TRAPPC9: variants seen among roughly 807,000 people sequenced by gnomAD.
TRAPPC9 encodes trafficking protein particle complex subunit 9.
A neutral mutation model predicts 124.0 loss-of-function variants in TRAPPC9; 83 were observed. The observed-to-expected ratio is 0.67, with a 90% CI of 0.56 to 0.80. The LOEUF (loss-of-function observed/expected upper bound fraction) is 0.80, where lower values mean the gene tolerates loss of function less well. Ranked by LOEUF, TRAPPC9 falls within the 30% of genes least tolerant of loss-of-function variation. TRAPPC9 has a pLI of 0.00. For synonymous variants in TRAPPC9, 638 were observed against 617.5 expected (o/e 1.03, Z -0.49); for missense variants, 1,302 against 1,508.3 (o/e 0.86, Z 2.27).
At chr8:140,072,888 T>C (rs1386557357) in intron 17 of TRAPPC9, among the ~76,000 whole-genome samples, 3 of 152,002 alleles carry the variant, frequency 2.0e-5, no homozygotes, top group Non-Finnish European at 2.9e-5. Flanking sequence ...ACCCATAAAA[T>C]GAACAAAAGG....
At chr8:140,260,185 G>A (rs564792482) in intron 15 of TRAPPC9, among the ~76,000 whole-genome samples, 37 of 152,030 alleles carry the variant, frequency 2.4e-4, no homozygotes, top group Non-Finnish European at 3.2e-4. Context: ...CACTCGAGTC[G>A]AAGCTCACCA....
Position 140,023,965 on chromosome 8 carries a change from T to G in TRAPPC9, c.2671A>C (p.Thr891Pro), listed in dbSNP as rs562249191. 9.7e-5 allele frequency: 157 copies of G among 1,613,728 alleles called. No individual in the cohort carries two copies. In the African/African-American group the frequency reaches 1.6e-3, roughly 16 times the overall value. Residue 891 changes from threonine (T) to proline (P), a missense_variant, in exon 18 of 23, where the codon ACC becomes CCC. Around this residue, in one of 3 missense-constraint regions of TRAPPC9, gnomAD observed 640 missense variants for 679.3 expected, o/e 0.94. Transcript: ENST00000438773. Reference sequence around the variant, plus strand: ...GTTGCTGGGAGGGTGCTGACTCGGGTGAAAAATACAGACGGCTCGACTTCT... The same window carrying G: ...GTTGCTGGGAGGGTGCTGACTCGGGGGAAAAATACAGACGGCTCGACTTCT... ...HVEVEPSVFF[T>P]RVSTLPATST...
At chr8:140,336,558 C>T (rs576346498) in intron 9 of TRAPPC9, among the ~76,000 whole-genome samples, 18 of 152,196 alleles carry the variant, frequency 1.2e-4, no homozygotes, top group African/African-American at 3.4e-4. Context: ...GCCCCAGTAA[C>T]GCACACCCTC....
At chr8:140,408,261 G>A (rs890248594) in intron 5 of TRAPPC9, among the ~76,000 whole-genome samples, 1 of 152,118 alleles carries the variant, frequency 6.6e-6, no homozygotes, top group Admixed American at 6.5e-5. Context: ...GACAAAGAAA[G>A]AGCATGGATG....
intron 17 of TRAPPC9, among the ~76,000 whole-genome samples, chr8:140,213,904 C>T (rs1270073142): frequency 6.6e-6 from 1 of 152,242 alleles, no homozygotes; most frequent in Non-Finnish European, 1.5e-5. Context: ...AGAGAGCACA[C>T]CACGATAAAT....
chr8:139,839,961 C>G (rs1413465828), intron 21 of TRAPPC9, among the ~76,000 whole-genome samples: 3 of 152,342 alleles, frequency 2.0e-5, no homozygotes, highest in African/African-American at 7.2e-5. Flanking sequence ...CAAAGAAACC[C>G]TGGCTATTAA....
In TRAPPC9 at chr8:140,383,160, T is replaced by C. The variant is rs187614464; in HGVS notation, c.1135-11980A>G. On this transcript the variant is annotated intron_variant, in intron 7 of 22. Coordinates refer to ENST00000438773, the MANE Select transcript of TRAPPC9 (RefSeq NM_001160372.4). The stretch of plus-strand genomic sequence containing the variant: ...AGGACATCCACATCAAAACCCCATC[T>C]GTATATCACCATCATCAAAGACCAA... Among the ~76,000 whole-genome samples, 24 of 152,350 alleles carry C rather than the reference T, an allele frequency of 1.6e-4. No individual in the cohort carries two copies. In the East Asian group the frequency reaches 3.3e-3, roughly 21 times the overall value.
At chr8:140,407,501 C>T (rs2069535804) in intron 5 of TRAPPC9, among the ~76,000 whole-genome samples, 1 of 151,922 alleles carries the variant, frequency 6.6e-6, no homozygotes, top group Admixed American at 6.6e-5. Context: ...AGTAAATGAT[C>T]AAAGCATAAG....
At chr8:139,787,315 G>A (rs1254742149) in intron 21 of TRAPPC9, among the ~76,000 whole-genome samples, 3 of 152,090 alleles carry the variant, frequency 2.0e-5, no homozygotes, top group African/African-American at 4.8e-5. Context: ...GGGGTGGGGG[G>A]CAGATGTGGC....
At chr8:139,836,448 GCT>G (rs1491485134) in intron 21 of TRAPPC9, among the ~76,000 whole-genome samples, 4 of 151,762 alleles carry the variant, frequency 2.6e-5, no homozygotes, top group East Asian at 3.9e-4. Context: ...ATGGGAAGCC[GCT>G]GGGGGGACCT....
intron 15 of TRAPPC9, among the ~76,000 whole-genome samples, chr8:140,258,795 G>C (rs2064329146): frequency 6.6e-6 from 1 of 152,230 alleles, no homozygotes; most frequent in Admixed American, 6.5e-5. Flanking sequence ...GCTTGCTGGG[G>C]GCCAGGGCCC....
chr8:139,747,278 C>T (rs925771849), intron 21 of TRAPPC9, among the ~76,000 whole-genome samples: 3 of 152,112 alleles, frequency 2.0e-5, no homozygotes, highest in Admixed American at 2.0e-4. Context: ...TCTCATCTGC[C>T]AATCAGATCA....
intron 19 of TRAPPC9, among the ~76,000 whole-genome samples, chr8:139,973,257 G>C (rs1332607885): frequency 2.6e-5 from 4 of 152,236 alleles, no homozygotes; most frequent in African/African-American, 4.8e-5. Context: ...AGGCCTTGGA[G>C]GGGTCAGGCC....
At chr8:140,263,765 G>A (rs926500210) in intron 15 of TRAPPC9, among the ~76,000 whole-genome samples, 1 of 152,232 alleles carries the variant, frequency 6.6e-6, no homozygotes, top group African/African-American at 2.4e-5. Flanking sequence ...AAGTCCATCT[G>A]ATCCTAAATA....
intron 8 of TRAPPC9, among the ~76,000 whole-genome samples, chr8:140,364,771 C>T (rs565858980): frequency 1.8e-4 from 28 of 152,028 alleles, no homozygotes; most frequent in African/African-American, 6.7e-4. Context: ...TTAGTACAGA[C>T]GGGTTGGCCA....
Position 140,179,993 on chromosome 8 carries a change from A to ATTTTTTTTTTTTTTTTTTTTTTTTT in TRAPPC9, c.2556+41465_2556+41466insAAAAAAAAAAAAAAAAAAAAAAAAA, listed in dbSNP as rs71520259. On this transcript the variant is annotated intron_variant, in intron 17 of 22. Coordinates refer to ENST00000438773, the MANE Select transcript of TRAPPC9 (RefSeq NM_001160372.4). ...ATAAACAATTTATAGTTATATCTTGATTTTTTTTTTTTTTTTTTTTTGGCC... is the reference window on the plus strand; with the variant it reads ...ATAAACAATTTATAGTTATATCTTGATTTTTTTTTTTTTTTTTTTTTTTTTTTTTTTTTTTTTTTTTTTTTTGGCC... Among the ~76,000 whole-genome samples, 16 of 90,038 alleles carry ATTTTTTTTTTTTTTTTTTTTTTTTT rather than the reference A, an allele frequency of 1.8e-4. 1 individual carries two copies. In the East Asian group the frequency reaches 1.9e-3, roughly 11 times the overall value. 59.1% of individuals were successfully genotyped at this position (90,038 alleles called of 152,430 possible). A position where few individuals can be genotyped will look rare whatever the true frequency, so the allele number is the denominator to read the frequency against.
intron 21 of TRAPPC9, among the ~76,000 whole-genome samples, chr8:139,791,383 G>C (rs1367336289): frequency 7.3e-6 from 1 of 137,096 alleles, no homozygotes; most frequent in African/African-American, 2.8e-5. Flanking sequence ...CACTCACACA[G>C]GTACCCGTCT....
chr8:139,968,586 G>C (rs1310397470), intron 19 of TRAPPC9, among the ~76,000 whole-genome samples: 1 of 152,204 alleles, frequency 6.6e-6, no homozygotes, highest in Non-Finnish European at 1.5e-5. Flanking sequence ...GTCTACTCCG[G>C]ACAAGGCTCA....
Position 139,780,833 on chromosome 8 carries a change from A to G in TRAPPC9, c.3056-48631T>C, listed in dbSNP as rs371096989. 1.6e-4 allele frequency among the ~76,000 whole-genome samples: 24 copies of G among 152,322 alleles called. No homozygotes were observed. In the South Asian group the frequency reaches 5.0e-3, roughly 32 times the overall value. Reference sequence around the variant, plus strand: ...CCAAAATCCCAATGATAAGAAAACAAACAATCTGATTTAAAAATGGGCCAA... The same window carrying G: ...CCAAAATCCCAATGATAAGAAAACAGACAATCTGATTTAAAAATGGGCCAA... On this transcript the variant is annotated intron_variant, in intron 21 of 22. Transcript: ENST00000438773.
Sources: allele counts gnomAD v4.1 joint callset (sites outside exome capture counted in the v4.1 genomes callset), GRCh38; gene constraint gnomAD v4.1.1; regional missense constraint gnomAD v4.1.1; transcripts MANE v1.5; gene names NCBI Gene and HGNC (gene_info 2026-07-23, HGNC 2026-07-21).